Variants in GALNT8 observed in about 807,000 individuals in gnomAD.
GALNT8 encodes polypeptide N-acetylgalactosaminyltransferase 8, also known as probable polypeptide N-acetylgalactosaminyltransferase 8.
GALNT8 carries 66 observed loss-of-function variants against 62.7 expected under a neutral mutation model. That is an observed-to-expected ratio of 1.05 (90% confidence interval 0.86 to 1.29). The LOEUF is 1.29. Among genes scored for constraint, GALNT8 ranks in the 50% most tolerant of loss-of-function variants. The pLI is 0.00. For missense variants in GALNT8, 771 were observed against 791.8 expected (o/e 0.97, Z 0.32); for synonymous variants, 288 against 294.3 (o/e 0.98, Z 0.22).
intron 2 of GALNT8, among the ~76,000 whole-genome samples, chr12:4,727,831 T>C (rs986516728): frequency 1.3e-5 from 2 of 152,206 alleles, no homozygotes; most frequent in African/African-American, 2.4e-5. Context: ...TGAACATTCA[T>C]GTATAAGTTT....
intron 2 of GALNT8, among the ~76,000 whole-genome samples, chr12:4,738,201 C>T (rs1277633873): frequency 6.6e-6 from 1 of 152,074 alleles, no homozygotes; most frequent in Non-Finnish European, 1.5e-5. Flanking sequence ...CAAATGGGTG[C>T]TGAGACAAGT....
In GALNT8 at chr12:4,726,813, G is replaced by A. The variant is rs1277121224; in HGVS notation, c.493G>A (p.Asp165Asn). 36 of 1,612,150 alleles carry A rather than the reference G, an allele frequency of 2.2e-5. No individual in the cohort carries two copies. Among genetic ancestry groups the A allele is most frequent in the East Asian group, 2.0e-4 (9 of 44,844 alleles). The change falls in exon 2 of 11, where the codon GAC (aspartate) becomes AAC (asparagine). Residue 165 changes from aspartate to asparagine, a missense_variant. Physicochemically the swap from Asp to Asn is conservative, Grantham distance 23. Transcript: ENST00000252318. The surrounding 1 kb of genome is among the most constrained non-coding windows in gnomAD (Gnocchi z 4.1). Reference protein sequence around the residue: ...NQLPLNRTIPDTRDYRCLRKT... With the variant: ...NQLPLNRTIPNTRDYRCLRKT... Reference sequence around the variant, plus strand: ...GCTGCCTCTCAATCGCACCATCCCCGACACGCGAGACTACAGGTGGGATGA... The same window carrying A: ...GCTGCCTCTCAATCGCACCATCCCCAACACGCGAGACTACAGGTGGGATGA...
rs575676334 is a variant in GALNT8 at position 4,726,181 on chromosome 12, A to T, written c.212-351A>T. On this transcript the variant is annotated intron_variant, in intron 1 of 10. Coordinates refer to ENST00000252318, the MANE Select transcript of GALNT8 (RefSeq NM_017417.2). This position sits in a 1 kb window ranked among gnomAD's most constrained non-coding sequence, Gnocchi z 4.1. The stretch of plus-strand genomic sequence containing the variant: ...GTATCTACATTAAAAAAAAAATCAC[A>T]ACTGATTGATTCTGATGTAAGTGGT... 1.3e-5 allele frequency among the ~76,000 whole-genome samples: 2 copies of T among 152,266 alleles called. No homozygotes were observed. The highest frequency in any genetic ancestry group is 1.5e-5 in the Non-Finnish European group (1 of 68,018).
chr12:4,745,737 G>A (rs1342811965), intron 5 of GALNT8, 111 bp downstream of exon 5: 5 of 791,534 alleles, frequency 6.3e-6, no homozygotes, highest in Non-Finnish European at 1.1e-5. Flanking sequence ...TGGAAGGAGG[G>A]GAGGGGATGA....
chr12:4,765,921 C>T (rs538717306), intron 10 of GALNT8, among the ~76,000 whole-genome samples: 26 of 152,328 alleles, frequency 1.7e-4, no homozygotes, highest in African/African-American at 5.5e-4. Flanking sequence ...GCTGGGATTA[C>T]AGGCACATGC....
Position 4,772,461 on chromosome 12 carries a change from A to G in GALNT8, c.1778A>G (p.Asn593Ser), listed in dbSNP as rs1434178370. 2 of 1,613,928 alleles carry G rather than the reference A, an allele frequency of 1.2e-6. No homozygotes were observed. Residue 593 changes from asparagine (N) to serine (S), a missense_variant, in exon 11 of 11, where the codon AAC becomes AGC. Coordinates refer to ENST00000252318, the MANE Select transcript of GALNT8 (RefSeq NM_017417.2). The stretch of plus-strand genomic sequence containing the variant: ...CCCCTCCAGGGAGGAGCTGTCATAA[A>G]CAGAGATACCAAGCGGTGTCTGGAG... ...WDFKPGGAVINRDTKRCLEMK... is the reference protein window; with the variant it reads ...WDFKPGGAVISRDTKRCLEMK...
At position 4,760,946 on chromosome 12, in the gene GALNT8, C is replaced by G. The variant is rs1272616752; in HGVS notation, c.1174-12C>G. ...TGTGAAGCACGGGTGATTTTTTGGT[C>G]TTCTTCTGCAGGTGTGGCAGTGTGG... On this transcript the variant is annotated splice_polypyrimidine_tract_variant and intron_variant, in intron 6 of 10. Coordinates refer to ENST00000252318, the MANE Select transcript of GALNT8 (RefSeq NM_017417.2). 1 of 1,610,280 alleles carries G rather than the reference C, an allele frequency of 6.2e-7. No individual in the cohort carries two copies. The highest frequency in any genetic ancestry group is 8.5e-7 in the Non-Finnish European group (1 of 1,178,296).
intron 1 of GALNT8, among the ~76,000 whole-genome samples, chr12:4,722,986 A>C (rs1030255681): frequency 6.6e-6 from 1 of 152,016 alleles, no homozygotes; most frequent in African/African-American, 2.4e-5. Context: ...AGAAGAAAAG[A>C]AGGGAAAGTG....
chr12:4,760,555 C>T (rs549634687), intron 6 of GALNT8, among the ~76,000 whole-genome samples: 3 of 152,252 alleles, frequency 2.0e-5, no homozygotes, highest in Admixed American at 6.5e-5. Context: ...GTCACTTTGG[C>T]GTCTGTCTGC....
In GALNT8 at chr12:4,767,663, G is replaced by A. The variant is rs1946405645; in HGVS notation, c.1761+2117G>A. On this transcript the variant is annotated intron_variant, in intron 10 of 10. Transcript: ENST00000252318. The stretch of plus-strand genomic sequence containing the variant: ...GCATAGTGGTGAGTTCTCTGTCAAT[G>A]GCAGTCACCAAGCACAGCATGTCTG... Among the ~76,000 whole-genome samples the A allele has an allele frequency of 2.0e-5, 3 of 152,294 alleles. No individual in the cohort carries two copies. In the South Asian group the frequency reaches 6.2e-4, roughly 32 times the overall value.
chr12:4,720,463 A>T lies in GALNT8; in HGVS notation c.-215A>T, dbSNP rs1946160719. The T allele has an allele frequency of 1.8e-6, 1 of 558,646 alleles. No homozygotes were observed. The highest frequency in any genetic ancestry group is 3.2e-6 in the Non-Finnish European group (1 of 314,836). The allele number at this position is 558,646 out of a possible 1,614,324, so 34.6% of individuals were successfully genotyped here. On this transcript the variant is annotated 5_prime_UTR_variant, in exon 1 of 11. Transcript: ENST00000252318. ...ACCTGTGGAAAGCCGCTGAGCGGTTATCCTCTCGGGGCATAAAGACAAAGA... is the reference window on the plus strand; with the variant it reads ...ACCTGTGGAAAGCCGCTGAGCGGTTTTCCTCTCGGGGCATAAAGACAAAGA...
chr12:4,755,426 A>G (rs1591572053), intron 6 of GALNT8, among the ~76,000 whole-genome samples: 1 of 152,234 alleles, frequency 6.6e-6, no homozygotes, highest in Non-Finnish European at 1.5e-5. Flanking sequence ...CTCCCCCAAC[A>G]CACAGAAATG....
chr12:4,766,220 G>T (rs1203836878), intron 10 of GALNT8, among the ~76,000 whole-genome samples: 1 of 152,202 alleles, frequency 6.6e-6, no homozygotes, highest in Non-Finnish European at 1.5e-5. Flanking sequence ...CTAAGGCAGG[G>T]TGGTTAAGGA....
chr12:4,771,822 G>A (rs1245897938), intron 10 of GALNT8, among the ~76,000 whole-genome samples: 3 of 152,268 alleles, frequency 2.0e-5, no homozygotes, highest in African/African-American at 7.2e-5. Context: ...ATGAAGATAA[G>A]GGGGAAGACT....
intron 6 of GALNT8, among the ~76,000 whole-genome samples, chr12:4,757,037 G>A (rs1946348503): frequency 6.6e-6 from 1 of 152,190 alleles, no homozygotes; most frequent in Admixed American, 6.5e-5. Context: ...GGTTTTATAA[G>A]TGTTTGGTAG....
chr12:4,765,491 A>G lies in GALNT8; in HGVS notation c.1706A>G (p.Glu569Gly). 6.2e-7 allele frequency: 1 copy of G among 1,612,266 alleles called. No individual in the cohort carries two copies. The highest frequency in any genetic ancestry group is 8.5e-7 in the Non-Finnish European group (1 of 1,179,788). Reference protein sequence around the residue: ...DPGKAEKPTLEPCSKAAKNRL... With the variant: ...DPGKAEKPTLGPCSKAAKNRL... ...GGCAAGGCGGAGAAGCCCACCTTAG[A>G]ACCATGCTCCAAGGCAGCTAAGAAT... The change falls in exon 10 of 11, where the codon GAA (glutamate) becomes GGA (glycine). Residue 569 changes from glutamate (E) to glycine (G), a missense_variant. Transcript: ENST00000252318.
intron 3 of GALNT8, among the ~76,000 whole-genome samples, chr12:4,743,194 A>T (rs1252649200): frequency 6.6e-6 from 1 of 152,108 alleles, no homozygotes; most frequent in Non-Finnish European, 1.5e-5. Context: ...ATCCAATGGG[A>T]AGTGACACAG....
chr12:4,743,367 C>G (rs945027431), intron 3 of GALNT8, among the ~76,000 whole-genome samples: 1 of 152,242 alleles, frequency 6.6e-6, no homozygotes, highest in Admixed American at 6.5e-5. Context: ...ACTGGCCCTG[C>G]TTAGCACCTT....
intron 6 of GALNT8, among the ~76,000 whole-genome samples, chr12:4,755,332 G>T (rs1946339866): frequency 6.6e-6 from 1 of 152,152 alleles, no homozygotes; most frequent in African/African-American, 2.4e-5. Context: ...CTTTGGGTGG[G>T]CATCAGCTGA....
Sources: allele counts gnomAD v4.1 joint callset (sites outside exome capture counted in the v4.1 genomes callset), GRCh38; gene constraint gnomAD v4.1.1; non-coding constraint Gnocchi (gnomAD v3.1); transcripts MANE v1.5; gene names NCBI Gene and HGNC (gene_info 2026-07-23, HGNC 2026-07-21).